USH2A: variants seen among roughly 807,000 people sequenced by gnomAD.
USH2A encodes Usher syndrome 2A (autosomal recessive, mild).
USH2A carries 443 observed loss-of-function variants against 538.9 expected under a neutral mutation model. The observed-to-expected ratio is 0.82, with a 90% CI of 0.76 to 0.89. The LOEUF is 0.89. Among genes scored for constraint, USH2A ranks in the 40% least tolerant of loss-of-function variants. The pLI is 0.00. For synonymous variants in USH2A, 2,413 were observed against 2,273.5 expected (o/e 1.06, Z -1.75); for missense variants, 6,633 against 6,324.8 (o/e 1.05, Z -1.65).
At chr1:216,100,339 A>G (rs1196349195) in intron 21 of USH2A, among the ~76,000 whole-genome samples, 2 of 152,178 alleles carry the variant, frequency 1.3e-5, no homozygotes, top group African/African-American at 4.8e-5. Context: ...TAGACCAGGG[A>G]GATAAAAGGA....
Position 215,723,167 on chromosome 1 carries a change from C to T in USH2A, c.12066+4863G>A, listed in dbSNP as rs950074641. Among the ~76,000 whole-genome samples, 10 of 152,186 alleles carry T rather than the reference C, an allele frequency of 6.6e-5. 1 individual carries two copies. Among genetic ancestry groups the T allele is most frequent in the African/African-American group, 7.2e-5 (3 of 41,454 alleles). On this transcript the variant is annotated intron_variant, in intron 61 of 71. Transcript: ENST00000307340. ...AGACCCCAAGAATCTTGATCTCCCT[C>T]TTTCTTCCTTAGAAAGACCTACATA... is the stretch of plus-strand genomic sequence containing the variant.
rs2031517830 is a variant in USH2A, at chr1:216,070,310, A to G, written c.5858-18T>C. The G allele has an allele frequency of 1.9e-6, 3 of 1,613,088 alleles. No homozygotes were observed. Among genetic ancestry groups the G allele is most frequent in the Non-Finnish European group, 2.5e-6 (3 of 1,179,336 alleles). ...TTGTGGAGCTGTGAAGGAATAAAAGAGAAAATAGGGAAAATGGCAGTTCTG... is the reference window on the plus strand; with the variant it reads ...TTGTGGAGCTGTGAAGGAATAAAAGGGAAAATAGGGAAAATGGCAGTTCTG... On this transcript the variant is annotated intron_variant, in intron 29 of 71. Coordinates refer to ENST00000307340, the MANE Select transcript of USH2A (RefSeq NM_206933.4).
At chr1:216,300,427 A>G (rs1212035392) in intron 9 of USH2A, among the ~76,000 whole-genome samples, 1 of 152,158 alleles carries the variant, frequency 6.6e-6, no homozygotes, top group Non-Finnish European at 1.5e-5. Context: ...GACCTTTACC[A>G]CTGATTCATT....
chr1:216,020,967 A>G (rs1668831663), intron 32 of USH2A, among the ~76,000 whole-genome samples: 1 of 152,070 alleles, frequency 6.6e-6, no homozygotes. Context: ...TCAGCTGGAG[A>G]GAATTGTGGC....
At chr1:215,705,846 G>A (rs558661577) in intron 61 of USH2A, among the ~76,000 whole-genome samples, 13 of 152,288 alleles carry the variant, frequency 8.5e-5, no homozygotes, top group South Asian at 2.1e-4. Context: ...GACTTTGGCC[G>A]TGCACACATA....
intron 14 of USH2A, among the ~76,000 whole-genome samples, chr1:216,231,158 A>G (rs753199069): frequency 1.1e-4 from 16 of 143,900 alleles, no homozygotes; most frequent in Non-Finnish European, 2.4e-4. Flanking sequence ...CAAGGAAAAT[A>G]TAAATAGATG....
intron 61 of USH2A, among the ~76,000 whole-genome samples, chr1:215,683,249 A>C (rs1320241250): frequency 2.5e-4 from 3 of 11,798 alleles, no homozygotes; most frequent in African/African-American, 5.3e-4. Flanking sequence ...ACACACACAC[A>C]CACACGCACA....
chr1:216,086,671 C>A (rs769961048), intron 24 of USH2A, 48 bp downstream of exon 24: 4 of 1,346,432 alleles, frequency 3.0e-6, no homozygotes, highest in Non-Finnish European at 3.2e-6. Context: ...TAAACAGGTT[C>A]TATTCTAAGT....
intron 61 of USH2A, among the ~76,000 whole-genome samples, chr1:215,714,536 G>T (rs1339366280): frequency 6.6e-6 from 1 of 152,042 alleles, no homozygotes; most frequent in African/African-American, 2.4e-5. Context: ...ATAATTTTTT[G>T]GTTTCCTAGG....
intron 15 of USH2A, among the ~76,000 whole-genome samples, chr1:216,212,917 A>T (rs2035271547): frequency 6.6e-6 from 1 of 152,142 alleles, no homozygotes. Context: ...CTTCTATCTT[A>T]GCATCCTAAT....
At chr1:215,832,457 C>T (rs77709370) in intron 47 of USH2A, among the ~76,000 whole-genome samples, 30 of 151,846 alleles carry the variant, frequency 2.0e-4, no homozygotes, top group African/African-American at 2.7e-4. Flanking sequence ...GGTTATCCAG[C>T]GAATACAAAC....
intron 43 of USH2A, among the ~76,000 whole-genome samples, chr1:215,874,332 C>A (rs923898694): frequency 1.5e-4 from 23 of 152,164 alleles, no homozygotes; most frequent in Admixed American, 3.9e-4. Flanking sequence ...CGTGTCTACA[C>A]AGGCAGAGCA....
Position 216,292,367 on chromosome 1 carries a change from C to A in USH2A, c.1648G>T (p.Asp550Tyr). Residue 550 changes from aspartate to tyrosine, a missense_variant, in exon 10 of 72, where the codon GAT becomes TAT. Coordinates refer to ENST00000307340, the MANE Select transcript of USH2A (RefSeq NM_206933.4). ...TCATTATAAAGAGGCAAGCAGCGAT[C>A]ACACTAGAACAAAAAATATCAGAAC... is the stretch of plus-strand genomic sequence containing the variant. ...QESFTEGLHC[D>Y]RCLPLYNDKP... 1 of 1,613,642 alleles carries A rather than the reference C, an allele frequency of 6.2e-7. No homozygotes were observed. Among genetic ancestry groups the A allele is most frequent in the South Asian group, 1.1e-5 (1 of 90,948 alleles).
intron 15 of USH2A, among the ~76,000 whole-genome samples, chr1:216,210,961 G>A (rs1035244006): frequency 6.7e-6 from 1 of 148,810 alleles, no homozygotes; most frequent in African/African-American, 2.5e-5. Context: ...CCTGGCGACA[G>A]AGCGAGACTC....
intron 71 of USH2A, 54 bp from the exon 72 acceptor site, chr1:215,625,924 C>A: frequency 6.6e-7 from 1 of 1,519,514 alleles, no homozygotes; most frequent in Non-Finnish European, 9.1e-7. Flanking sequence ...ATAGTATTTG[C>A]TATCAATTTA....
chr1:216,337,984 A>G (rs1365248938), intron 4 of USH2A, among the ~76,000 whole-genome samples: 1 of 151,320 alleles, frequency 6.6e-6, no homozygotes, highest in East Asian at 1.9e-4. Flanking sequence ...TGAGTATTTT[A>G]TTTATAGAAA....
rs372955644 is a variant in USH2A at position 216,292,303 on chromosome 1, T to G, written c.1712A>C (p.Asn571Thr). ...FRQGDQVYAF[N>T]CKPCQCNSHS... is the part of the protein sequence containing the mutation. ...GCTGTTGCATTGACAAGGTTTACAA[T>G]TGAAAGCGTAAACTTGATCACCTTG... The change falls in exon 10 of 72, where the codon AAT becomes ACT. Residue 571 changes from asparagine to threonine, a missense_variant. By Grantham distance (65) the Asn-to-Thr change is moderately conservative. Transcript: ENST00000307340. 6.2e-7 allele frequency: 1 copy of G among 1,614,068 alleles called. No individual in the cohort carries two copies. The highest frequency in any genetic ancestry group is 2.2e-5 in the East Asian group (1 of 44,852).
chr1:216,052,351 T>C (rs1446670270), intron 30 of USH2A, among the ~76,000 whole-genome samples: 2 of 81,686 alleles, frequency 2.4e-5, no homozygotes, highest in African/African-American at 4.9e-5. Context: ...AGCTGAAAAA[T>C]AGAAAACAAA....
At chr1:216,161,329 CTTACA>C (rs1415309975) in intron 21 of USH2A, among the ~76,000 whole-genome samples, 1 of 151,942 alleles carries the variant, frequency 6.6e-6, no homozygotes, top group African/African-American at 2.4e-5. Context: ...TTAGTGTTTC[CTTACA>C]TTAATTTTCT....
Sources: allele counts gnomAD v4.1 joint callset (sites outside exome capture counted in the v4.1 genomes callset), GRCh38; gene constraint gnomAD v4.1.1; transcripts MANE v1.5; gene names NCBI Gene and HGNC (gene_info 2026-07-23, HGNC 2026-07-21).